The following ZNF835 variants were observed in gnomAD, a reference collection of about 807,000 sequenced individuals.
ZNF835 encodes zinc finger protein 835.
For missense variants in ZNF835, 783 were observed against 758.4 expected (o/e 1.03, Z -0.38); for synonymous variants, 323 against 324.7 (o/e 0.99, Z 0.06).
rs1279840847 is a variant in ZNF835, at chr19:56,662,433, TA to T, written c.*1151del. 1 of 152,298 alleles carries T rather than the reference TA, an allele frequency of 6.6e-6. No homozygotes were observed. Among genetic ancestry groups the T allele is most frequent in the East Asian group, 1.9e-4 (1 of 5,190 alleles). The allele number at this position is 152,298 out of a possible 1,614,324, so 9.4% of individuals were successfully genotyped here. A position where few individuals can be genotyped will look rare whatever the true frequency, so the allele number is the denominator to read the frequency against. ...AAGCATTAAAGTCAGGTCTTTGAGT[TA>T]GGGGGAAAAATGGTGGAGATGGGTA... On this transcript the variant is annotated 3_prime_UTR_variant, in exon 2 of 2. Coordinates refer to ENST00000537055, the MANE Select transcript of ZNF835 (RefSeq NM_001005850.3).
chr19:56,664,469 G>A lies in ZNF835; in HGVS notation c.730C>T (p.His244Tyr), dbSNP rs2045222959. Reference protein sequence around the residue: ...RSSLIEHQRIHTGEKPYECSA... With the variant: ...RSSLIEHQRIYTGEKPYECSA... ...CACTCGTAGGGCTTCTCACCGGTGT[G>A]GATGCGCTGGTGCTCTATCAGGGAC... Residue 244 changes from histidine (H) to tyrosine (Y), a missense_variant, in exon 2 of 2, where the codon CAC becomes TAC. Transcript: ENST00000537055. 2.5e-6 allele frequency: 4 copies of A among 1,612,774 alleles called. No homozygotes were observed. In the Admixed American group the frequency reaches 5.0e-5, roughly 20 times the overall value.
chr19:56,665,059 G>C lies in ZNF835; in HGVS notation c.140C>G (p.Ala47Gly), dbSNP rs1296957347. 3.7e-6 allele frequency: 6 copies of C among 1,613,882 alleles called. No individual in the cohort carries two copies. In the Admixed American group the frequency reaches 6.7e-5, roughly 18 times the overall value. ...ATCGCGTTCCTGCATGCTGTCCCCA[G>C]CAGGGTCTCCCTTGCAGGCCACGGC... ...PEAVACKGDP[A>G]GDSMQERDEF... The change falls in exon 2 of 2, where the codon GCT (alanine) becomes GGT (glycine). Residue 47 changes from alanine (A) to glycine (G), a missense_variant. Coordinates refer to ENST00000537055, the MANE Select transcript of ZNF835 (RefSeq NM_001005850.3).
In ZNF835 at chr19:56,664,780, C is replaced by A. The variant is rs2045229186; in HGVS notation, c.419G>T (p.Cys140Phe). The change falls in exon 2 of 2, where the codon TGC (cysteine) becomes TTC (phenylalanine). Residue 140 changes from cysteine to phenylalanine, a missense_variant. By Grantham distance (205) the Cys-to-Phe change is radical. Transcript: ENST00000537055. ...GCTGAAGGCCTTGCCGCACTCGGGG[C>A]ACGCAAATGGCTTCTCCCCGGTGTG... is the stretch of plus-strand genomic sequence containing the variant. ...RIHTGEKPFA[C>F]PECGKAFSQS... 6.2e-7 allele frequency: 1 copy of A among 1,614,200 alleles called. No homozygotes were observed. Among genetic ancestry groups the A allele is most frequent in the Non-Finnish European group, 8.5e-7 (1 of 1,180,014 alleles).
Position 56,664,542 on chromosome 19 carries a change from C to T in ZNF835, c.657G>A (p.Glu219=), listed in dbSNP as rs1189861002. Reference sequence around the variant, plus strand: ...CGCACTGGGCGCACGCGTAGGGCCGCTCGCCCGTGTGCACGCGCCGGTGCT... The same window carrying T: ...CGCACTGGGCGCACGCGTAGGGCCGTTCGCCCGTGTGCACGCGCCGGTGCT... The part of the protein sequence containing the change: ...LTQHRRVHTG[E]RPYACAQCAK... Residue 219 remains glutamate, a synonymous_variant, in exon 2 of 2, where the codon GAG becomes GAA. Transcript: ENST00000537055. 6.2e-7 allele frequency: 1 copy of T among 1,609,130 alleles called. No individual in the cohort carries two copies. The highest frequency in any genetic ancestry group is 1.3e-5 in the African/African-American group (1 of 74,714).
At chr19:56,671,371 A>ACTCAG (rs2045291469) in intron 1 of ZNF835, among the ~76,000 whole-genome samples, 4 of 147,396 alleles carry the variant, frequency 2.7e-5, no homozygotes, top group Admixed American at 6.8e-5. Context: ...ATGCAGTGAC[A>ACTCAG]GGCTCACAGG....
intron 1 of ZNF835, among the ~76,000 whole-genome samples, chr19:56,669,221 A>G (rs2045270302): frequency 6.6e-6 from 1 of 152,164 alleles, no homozygotes; most frequent in African/African-American, 2.4e-5. Context: ...GATACAACTC[A>G]GGAACAGCCA....
At chr19:56,665,470 C>A (rs12462995) in intron 1 of ZNF835, 11 of 693,670 alleles carry the variant, frequency 1.6e-5, no homozygotes, top group East Asian at 8.7e-5. Flanking sequence ...GACACTACCC[C>A]TCAACCCCTG....
chr19:56,663,899 C>A lies in ZNF835; in HGVS notation c.1300G>T (p.Ala434Ser), dbSNP rs750603570. Residue 434 changes from alanine to serine, a missense_variant, in exon 2 of 2, where the codon GCC becomes TCC. Physicochemically the swap from Ala to Ser is moderately conservative, Grantham distance 99 (BLOSUM62 1). Transcript: ENST00000537055. The part of the protein sequence containing the change: ...GKAFSQGSSL[A>S]LHQRTHTGER... ...CCCGTGTGCGTGCGCTGGTGCAGGG[C>A]GAGCGAGGAGCCCTGGCTGAAAGCT... 1.7e-5 allele frequency: 26 copies of A among 1,554,558 alleles called. 1 individual carries two copies. The highest frequency in any genetic ancestry group is 2.0e-5 in the Non-Finnish European group (23 of 1,152,136).
chr19:56,668,430 A>C (rs2045263967), intron 1 of ZNF835, among the ~76,000 whole-genome samples: 1 of 148,946 alleles, frequency 6.7e-6, no homozygotes, highest in South Asian at 2.1e-4. Flanking sequence ...CAGTGTTGCA[A>C]TCATAGCTCG....
chr19:56,664,635 G>T lies in ZNF835; in HGVS notation c.564C>A (p.His188Gln). 1 of 1,607,988 alleles carries T rather than the reference G, an allele frequency of 6.2e-7. No individual in the cohort carries two copies. Residue 188 changes from histidine to glutamine, a missense_variant, in exon 2 of 2, where the codon CAC (histidine) becomes CAA (glutamine). Transcript: ENST00000537055. ...CGCAGCGGTGCGGCTTCTCGCCCGT[G>T]TGCGTGCGCCAGTGGGACGCCAGGT... ...GSYLASHWRT[H>Q]TGEKPHRCAD...
Position 56,664,931 on chromosome 19 carries a change from G to C in ZNF835, c.268C>G (p.Pro90Ala), listed in dbSNP as rs1294631641. 2 of 1,614,008 alleles carry C rather than the reference G, an allele frequency of 1.2e-6. No individual in the cohort carries two copies. Among genetic ancestry groups the C allele is most frequent in the Admixed American group, 1.7e-5 (1 of 60,028 alleles). Residue 90 changes from proline (P) to alanine (A), a missense_variant, in exon 2 of 2, where the codon CCG becomes GCG. Coordinates refer to ENST00000537055, the MANE Select transcript of ZNF835 (RefSeq NM_001005850.3). Reference protein sequence around the residue: ...SRRCSAPGESPKERHPDSRQR... With the variant: ...SRRCSAPGESAKERHPDSRQR... ...CGGCTGTCAGGATGCCTCTCCTTCG[G>C]GCTCTCCCCAGGCGCGCTGCACCTC...
chr19:56,664,179 G>C lies in ZNF835; in HGVS notation c.1020C>G (p.Ala340=). The change falls in exon 2 of 2, where the codon GCC becomes GCG. Residue 340 remains alanine (A), a synonymous_variant. Transcript: ENST00000537055. ...GEKPYACGQC[A]KAFTQVSHLT... ...GGTGCGACACCTGGGTGAAGGCCTT[G>C]GCGCACTGGCCGCACGCGTAGGGCT... 2 of 1,610,658 alleles carry C rather than the reference G, an allele frequency of 1.2e-6. No individual in the cohort carries two copies. The highest frequency in any genetic ancestry group is 1.7e-6 in the Non-Finnish European group (2 of 1,178,924).
rs1268420811 is a variant in ZNF835 at position 56,662,127 on chromosome 19, C to G, written c.*1458G>C. ...GCTTGGCTAGGAGGCTTGCTTTGGC[C>G]TGTGGGACTAGATGCAAATGTGACA... On this transcript the variant is annotated 3_prime_UTR_variant, in exon 2 of 2. Transcript: ENST00000537055. 6.6e-6 allele frequency: 1 copy of G among 152,160 alleles called. No individual in the cohort carries two copies. The highest frequency in any genetic ancestry group is 2.4e-5 in the African/African-American group (1 of 41,432). 9.4% of individuals were successfully genotyped at this position (152,160 alleles called of 1,614,324 possible).
intron 1 of ZNF835, among the ~76,000 whole-genome samples, chr19:56,666,450 G>A (rs563966733): frequency 2.0e-5 from 3 of 152,302 alleles, no homozygotes; most frequent in East Asian, 1.9e-4. Flanking sequence ...ACCAGAGCTC[G>A]CTGTCTGTCA....
Position 56,664,403 on chromosome 19 carries a change from T to C in ZNF835, c.796A>G (p.Ile266Val). 1.2e-6 allele frequency: 2 copies of C among 1,610,194 alleles called. No homozygotes were observed. The highest frequency in any genetic ancestry group is 1.7e-6 in the Non-Finnish European group (2 of 1,178,946). The change falls in exon 2 of 2, where the codon ATC (isoleucine) becomes GTC (valine). Residue 266 changes from isoleucine (I) to valine (V), a missense_variant. By Grantham distance (29) the Ile-to-Val change is conservative. Transcript: ENST00000537055. The stretch of plus-strand genomic sequence containing the variant: ...TCCGTGTGGATGCGCTGGTGGCGGA[T>C]GAGCGCTGAGGAGAAGCGGAAGGCC... ...AKAFRFSSAL[I>V]RHQRIHTEEK...
In ZNF835 at chr19:56,664,512, C is replaced by T. The variant is rs1358252197; in HGVS notation, c.687G>A (p.Lys229=). The part of the protein sequence containing the change: ...ERPYACAQCA[K]AFRNRSSLIE... ...TCAGGGACGAGCGGTTGCGGAACGC[C>T]TTGGCGCACTGGGCGCACGCGTAGG... The change falls in exon 2 of 2, where the codon AAG becomes AAA. Residue 229 remains lysine (K), a synonymous_variant. Transcript: ENST00000537055. 1 of 1,611,222 alleles carries T rather than the reference C, an allele frequency of 6.2e-7. No homozygotes were observed. Among genetic ancestry groups the T allele is most frequent in the Non-Finnish European group, 8.5e-7 (1 of 1,178,734 alleles).
intron 1 of ZNF835, 63 bp from the exon 2 acceptor site, chr19:56,665,308 G>T: frequency 7.0e-7 from 1 of 1,425,326 alleles, no homozygotes. Context: ...TGGAAAAATG[G>T]CTAACAGCTG....
intron 1 of ZNF835, among the ~76,000 whole-genome samples, chr19:56,667,390 A>C (rs1453439273): frequency 2.6e-5 from 4 of 152,206 alleles, no homozygotes; most frequent in African/African-American, 9.6e-5. Context: ...GAGGGGGCTC[A>C]CACTGCTGGG....
Position 56,661,985 on chromosome 19 carries a change from T to G in ZNF835, c.*1600A>C, listed in dbSNP as rs1029517912. ...TTCCAATGATTATAGTCATGTGAAG[T>G]TATGAGATTATAACTTTAATTCAAC... is the stretch of plus-strand genomic sequence containing the variant. On this transcript the variant is annotated 3_prime_UTR_variant, in exon 2 of 2. Coordinates refer to ENST00000537055, the MANE Select transcript of ZNF835 (RefSeq NM_001005850.3). The G allele has an allele frequency of 1.3e-5, 2 of 152,148 alleles. No individual in the cohort carries two copies. Among genetic ancestry groups the G allele is most frequent in the Non-Finnish European group, 2.9e-5 (2 of 68,034 alleles). 9.4% of individuals were successfully genotyped at this position (152,148 alleles called of 1,614,324 possible).
Sources: gnomAD v4.1 joint callset for allele counts (sites outside exome capture counted in the v4.1 genomes callset) on GRCh38, gnomAD v4.1.1 for gene constraint, MANE v1.5 for transcripts, NCBI Gene and HGNC (gene_info 2026-07-23, HGNC 2026-07-21) for gene names.